Variants in AMOT observed in about 807,000 individuals in gnomAD.
AMOT encodes angiomotin.
In AMOT, 11 loss-of-function variants were observed where a neutral mutation model predicts 67.0. The observed-to-expected ratio is 0.16, with a 90% CI of 0.10 to 0.27. AMOT has a LOEUF of 0.27. Among genes scored for constraint, AMOT ranks in the 10% least tolerant of loss-of-function variants. The pLI, the probability that AMOT is intolerant of heterozygous loss-of-function variation, is 1.00. For missense variants in AMOT, 753 were observed against 852.0 expected (o/e 0.88, Z 1.45); for synonymous variants, 326 against 321.4 (o/e 1.01, Z -0.15).
chrX:112,838,351 G>A (rs924113342), intron 1 of AMOT, among the ~76,000 whole-genome samples: 4 of 112,157 alleles, frequency 3.6e-5, no homozygotes, highest in South Asian at 3.7e-4. Flanking sequence ...TGGGGAAGAA[G>A]GGCCGCTTAA....
intron 10 of AMOT, among the ~76,000 whole-genome samples, chrX:112,783,280 G>C (rs1206159928): frequency 1.9e-5 from 2 of 104,569 alleles, no homozygotes; most frequent in African/African-American, 7.1e-5. Context: ...AGGCAACAGA[G>C]GGAGACTCTG....
At chrX:112,806,440 T>C (rs908953598) in intron 7 of AMOT, among the ~76,000 whole-genome samples, 3 of 108,334 alleles carry the variant, frequency 2.8e-5, no homozygotes, top group Admixed American at 1.0e-4. Context: ...TGTGTGCATA[T>C]GTGTATACAA....
intron 12 of AMOT, among the ~76,000 whole-genome samples, chrX:112,780,030 A>C (rs1165276370): frequency 9.1e-6 from 1 of 110,292 alleles, no homozygotes; most frequent in African/African-American, 3.3e-5. Context: ...TTATTTTTCC[A>C]ATGGTGATTG....
At chrX:112,818,799 A>T (rs922070404) in intron 4 of AMOT, among the ~76,000 whole-genome samples, 21 of 111,152 alleles carry the variant, frequency 1.9e-4, no homozygotes, top group Admixed American at 9.5e-4. Context: ...TGAGCAGCAC[A>T]CTCTCCAGGT....
chrX:112,823,099 C>T lies in AMOT; in HGVS notation c.28G>A (p.Gly10Arg). Residue 10 changes from glycine to arginine, a missense_variant, in exon 4 of 14, where the codon GGA (glycine) becomes AGA (arginine). Physicochemically the swap from Gly to Arg is moderately radical, Grantham distance 125. Coordinates refer to ENST00000371959, the MANE Select transcript of AMOT (RefSeq NM_001113490.2). MRNSEEQPS[G>R]GTTVLQRLLQ... ...AAACGCTGCAATACCGTGGTCCCTC[C>T]ACTTGGCTGTTCTTCAGAATTTCTC... 1 of 1,160,730 alleles carries T rather than the reference C, an allele frequency of 8.6e-7. No homozygotes were observed. Among genetic ancestry groups the T allele is most frequent in the Non-Finnish European group, 1.2e-6 (1 of 868,747 alleles).
At chrX:112,828,445 C>A (rs1479363690) in intron 2 of AMOT, among the ~76,000 whole-genome samples, 8 of 105,542 alleles carry the variant, frequency 7.6e-5, no homozygotes, top group Non-Finnish European at 1.2e-4. Context: ...AGCATGGAGC[C>A]TGGCACATAG....
At chrX:112,795,243 T>C (rs1202898884) in intron 8 of AMOT, among the ~76,000 whole-genome samples, 1 of 94,935 alleles carries the variant, frequency 1.1e-5, no homozygotes, top group Non-Finnish European at 2.0e-5. Flanking sequence ...TCTCTGTCTC[T>C]CTCTCTGTGT....
At chrX:112,828,353 C>T (rs745926224) in intron 2 of AMOT, among the ~76,000 whole-genome samples, 3 of 103,883 alleles carry the variant, frequency 2.9e-5, no homozygotes, top group Non-Finnish European at 5.9e-5. Context: ...TCAATTTCAT[C>T]ATCTGCAAAA....
intron 4 of AMOT, among the ~76,000 whole-genome samples, chrX:112,817,288 C>T (rs1008042721): frequency 4.5e-5 from 5 of 111,757 alleles, no homozygotes; most frequent in Non-Finnish European, 9.4e-5. Context: ...TCATTTTTGG[C>T]GGAATAGGAA....
chrX:112,800,121 C>T (rs1933965783), intron 8 of AMOT, among the ~76,000 whole-genome samples: 1 of 110,996 alleles, frequency 9.0e-6, no homozygotes, highest in South Asian at 3.9e-4. Context: ...GTCCCAGCTA[C>T]TTGGGAGGCT....
rs1336389702 is a variant in AMOT, at chrX:112,823,123, T to G, written c.4A>C (p.Arg2=). 1 of 1,154,378 alleles carries G rather than the reference T, an allele frequency of 8.7e-7. No homozygotes were observed. The highest frequency in any genetic ancestry group is 2.0e-5 in the South Asian group (1 of 50,230). ...CCACTTGGCTGTTCTTCAGAATTTC[T>G]CATCTCTATTGCTGGTGGTGCCTTG... M[R]NSEEQPSGGT... is the part of the protein sequence containing the mutation. The change falls in exon 4 of 14, where the codon AGA becomes CGA. Residue 2 remains arginine (R), a synonymous_variant. Transcript: ENST00000371959.
chrX:112,788,380 A>G (rs969061714), intron 10 of AMOT, among the ~76,000 whole-genome samples: 10 of 111,464 alleles, frequency 9.0e-5, no homozygotes, highest in African/African-American at 3.3e-4. Flanking sequence ...CAATAGCTAC[A>G]TTTAAGATTG....
chrX:112,801,733 C>T (rs1934023656), intron 8 of AMOT, among the ~76,000 whole-genome samples: 1 of 112,282 alleles, frequency 8.9e-6, no homozygotes. Flanking sequence ...AAGAGAAAGA[C>T]ATAAATAAAT....
intron 11 of AMOT, among the ~76,000 whole-genome samples, chrX:112,781,371 C>T (rs757007449): frequency 3.2e-5 from 3 of 92,955 alleles, no homozygotes; most frequent in East Asian, 3.9e-4. Flanking sequence ...ACTTGGGAGG[C>T]GGAGGTTGCA....
chrX:112,809,172 C>T (rs891340735), intron 7 of AMOT, among the ~76,000 whole-genome samples: 4 of 111,717 alleles, frequency 3.6e-5, no homozygotes, highest in Admixed American at 9.5e-5. Context: ...TCATGTTTCC[C>T]CCCGACTAAT....
intron 10 of AMOT, among the ~76,000 whole-genome samples, chrX:112,788,975 G>A: frequency 8.9e-6 from 1 of 111,782 alleles, no homozygotes; most frequent in Non-Finnish European, 1.9e-5. Context: ...GAAGGAAGGA[G>A]GGTAGTTTCT....
intron 7 of AMOT, among the ~76,000 whole-genome samples, chrX:112,805,807 G>C (rs946887841): frequency 8.9e-6 from 1 of 112,009 alleles, no homozygotes; most frequent in South Asian, 3.7e-4. Flanking sequence ...GGATAGGCTA[G>C]GCGTGGAGGG....
chrX:112,820,185 T>A (rs761875830), intron 4 of AMOT, among the ~76,000 whole-genome samples: 3 of 111,903 alleles, frequency 2.7e-5, no homozygotes, highest in Non-Finnish European at 3.8e-5. Flanking sequence ...TCATCAAGCA[T>A]TATCAAGCAC....
chrX:112,815,590 T>C lies in AMOT; in HGVS notation c.1160A>G (p.His387Arg), dbSNP rs745603531. ...QQQQQQQQHHHHHHHQQQQQQ... is the reference protein window; with the variant it reads ...QQQQQQQQHHRHHHHQQQQQQ... ...CTGCTGTTGTTGGTGGTGATGGTGA[T>C]GATGGTGCTGCTGCTGCTGTTGCTG... The change falls in exon 5 of 14, where the codon CAT becomes CGT. Residue 387 changes from histidine to arginine, a missense_variant. Around this residue, in one of 5 missense-constraint regions of AMOT, gnomAD observed 297 missense variants for 284.3 expected, o/e 1.04. Transcript: ENST00000371959. 1.7e-6 allele frequency: 2 copies of C among 1,209,550 alleles called. No homozygotes were observed. Among genetic ancestry groups the C allele is most frequent in the South Asian group, 3.5e-5 (2 of 56,804 alleles).
Sources: gnomAD v4.1 joint callset for allele counts (sites outside exome capture counted in the v4.1 genomes callset) on GRCh38, gnomAD v4.1.1 for gene constraint, gnomAD v4.1.1 regional missense constraint, MANE v1.5 for transcripts, NCBI Gene and HGNC (gene_info 2026-07-23, HGNC 2026-07-21) for gene names.